Variants in ZNF250 observed in about 807,000 individuals in gnomAD.
ZNF250 encodes zinc finger protein (clone 647).
A neutral mutation model predicts 37.1 loss-of-function variants in ZNF250; 13 were observed. That is an observed-to-expected ratio of 0.35 (90% CI 0.23 to 0.56). The LOEUF is 0.56. Among genes scored for constraint, ZNF250 ranks in the 20% least tolerant of loss-of-function variants. The pLI, the probability that ZNF250 is intolerant of heterozygous loss-of-function variation, is 0.87. For missense variants in ZNF250, 474 were observed against 697.9 expected (o/e 0.68, Z 3.61); for synonymous variants, 251 against 265.6 (o/e 0.94, Z 0.54).
chr8:144,890,325 C>G lies in ZNF250; in HGVS notation c.25G>C (p.Val9Leu). MAAARLLP[V>L]PAGPQAKLTF... ...CAGCTTACCTGGGGTCCTGCCGGCA[C>G]TGGCAGGAGTCTGGCTGCTGCCATC... Residue 9 changes from valine to leucine, a missense_variant, in exon 2 of 6, where the codon GTG (valine) becomes CTG (leucine). By Grantham distance (32) the Val-to-Leu change is conservative. Around this residue, in one of 2 missense-constraint regions of ZNF250, gnomAD observed 192 missense variants for 227.5 expected, o/e 0.84. Coordinates refer to ENST00000417550, the MANE Select transcript of ZNF250 (RefSeq NM_001109689.4). The surrounding 1 kb of genome is among the most constrained non-coding windows in gnomAD (Gnocchi z 5.1). 6.6e-7 allele frequency: 1 copy of G among 1,511,824 alleles called. No individual in the cohort carries two copies. Among genetic ancestry groups the G allele is most frequent in the Non-Finnish European group, 8.9e-7 (1 of 1,128,086 alleles). 93.7% of individuals were successfully genotyped at this position (1,511,824 alleles called of 1,614,324 possible).
At chr8:144,887,045 G>C in intron 4 of ZNF250, 143 bp from the exon 5 acceptor site, 1 of 668,846 alleles carries the variant, frequency 1.5e-6, no homozygotes, top group Non-Finnish European at 2.7e-6. Flanking sequence ...TCAGAAGTTT[G>C]AGACCAGCCT....
chr8:144,900,345 A>G (rs1200238538), intron 1 of ZNF250, among the ~76,000 whole-genome samples: 1 of 152,028 alleles, frequency 6.6e-6, no homozygotes, highest in African/African-American at 2.4e-5. Context: ...GGACGAGTGG[A>G]GCGCCCCCTG....
rs1400809771 is a variant in ZNF250, at chr8:144,881,022, T to C, written c.*493A>G. ...TTTTACATGATGCTTGATGAAAATA[T>C]CTTTTTATATCACTTTATCCATACA... On this transcript the variant is annotated 3_prime_UTR_variant, in exon 6 of 6. Transcript: ENST00000417550. 1 of 158,842 alleles carries C rather than the reference T, an allele frequency of 6.3e-6. No individual in the cohort carries two copies. Among genetic ancestry groups the C allele is most frequent in the Non-Finnish European group, 1.4e-5 (1 of 71,688 alleles). 9.8% of individuals were successfully genotyped at this position (158,842 alleles called of 1,614,324 possible).
rs759763138 is a variant in ZNF250, at chr8:144,881,336, T to C, written c.*179A>G. 1.3e-5 allele frequency: 10 copies of C among 781,990 alleles called. No individual in the cohort carries two copies. The highest frequency in any genetic ancestry group is 1.9e-5 in the Non-Finnish European group (10 of 531,648). 48.4% of individuals were successfully genotyped at this position (781,990 alleles called of 1,614,324 possible). A position where few individuals can be genotyped will look rare whatever the true frequency, so the allele number is the denominator to read the frequency against. On this transcript the variant is annotated 3_prime_UTR_variant, in exon 6 of 6. Transcript: ENST00000417550. ...ATGTTGAGGAAAATAAAACAGGTAGTCTCTGAAGTTTTTCCACAGGAACAG... is the reference window on the plus strand; with the variant it reads ...ATGTTGAGGAAAATAAAACAGGTAGCCTCTGAAGTTTTTCCACAGGAACAG...
intron 1 of ZNF250, among the ~76,000 whole-genome samples, chr8:144,894,522 C>T (rs923572638): frequency 1.3e-5 from 2 of 152,014 alleles, no homozygotes; most frequent in African/African-American, 4.8e-5. Context: ...ACCCAGCTCT[C>T]ATCCTATCCC....
rs1831593502 is a variant in ZNF250, at chr8:144,882,806, G to A, written c.377C>T (p.Thr126Ile). Residue 126 changes from threonine to isoleucine, a missense_variant, in exon 6 of 6, where the codon ACA becomes ATA. Physicochemically the swap from Thr to Ile is moderately conservative, Grantham distance 89 (BLOSUM62 -1). Coordinates refer to ENST00000417550, the MANE Select transcript of ZNF250 (RefSeq NM_001109689.4). The surrounding 1 kb of genome is among the most constrained non-coding windows in gnomAD (Gnocchi z 5.5). ...ECETKGESQN[T>I]DLSPKPLISE... ...AATTAATGGCTTCGGACTCAAGTCT[G>A]TATTTTGACTCTCTCCCTTGGTTTC... is the stretch of plus-strand genomic sequence containing the variant. 6.2e-7 allele frequency: 1 copy of A among 1,611,902 alleles called. No individual in the cohort carries two copies. The highest frequency in any genetic ancestry group is 1.3e-5 in the African/African-American group (1 of 74,766).
chr8:144,892,107 A>G (rs1832382262), intron 1 of ZNF250, among the ~76,000 whole-genome samples: 1 of 152,248 alleles, frequency 6.6e-6, no homozygotes, highest in African/African-American at 2.4e-5. Context: ...AGAACAGGAC[A>G]GGGAAACACA....
Position 144,882,969 on chromosome 8 carries a change from C to T in ZNF250, c.347-133G>A. On this transcript the variant is annotated intron_variant, in intron 5 of 5. Transcript: ENST00000417550. The surrounding 1 kb of genome is among the most constrained non-coding windows in gnomAD (Gnocchi z 5.5). The stretch of plus-strand genomic sequence containing the variant: ...CACGTTGGTGTGAGCTACAGAAGAA[C>T]AGAACCACCATAACTGTGTCAAACA... 3 of 960,468 alleles carry T rather than the reference C, an allele frequency of 3.1e-6. No individual in the cohort carries two copies. Among genetic ancestry groups the T allele is most frequent in the South Asian group, 1.6e-5 (1 of 62,616 alleles). 59.5% of individuals were successfully genotyped at this position (960,468 alleles called of 1,614,324 possible). A position where few individuals can be genotyped will look rare whatever the true frequency, so the allele number is the denominator to read the frequency against.
intron 1 of ZNF250, among the ~76,000 whole-genome samples, chr8:144,900,691 A>T (rs767140670): frequency 6.6e-6 from 1 of 152,184 alleles, no homozygotes; most frequent in Non-Finnish European, 1.5e-5. Context: ...AAATGGGGAG[A>T]GGATAAGACA....
chr8:144,899,223 G>A (rs1434793417), intron 1 of ZNF250, among the ~76,000 whole-genome samples: 2 of 152,134 alleles, frequency 1.3e-5, no homozygotes, highest in African/African-American at 2.4e-5. Flanking sequence ...CCAGAGGATG[G>A]GAAGGGTGGG....
rs1831566764 is a variant in ZNF250 at position 144,882,592 on chromosome 8, A to G, written c.591T>C (p.Val197=). 6.2e-7 allele frequency: 1 copy of G among 1,613,976 alleles called. No individual in the cohort carries two copies. The highest frequency in any genetic ancestry group is 1.7e-5 in the Admixed American group (1 of 59,996). The change falls in exon 6 of 6, where the codon GTT becomes GTC. Residue 197 remains valine, a synonymous_variant. Coordinates refer to ENST00000417550, the MANE Select transcript of ZNF250 (RefSeq NM_001109689.4). The surrounding 1 kb of genome is among the most constrained non-coding windows in gnomAD (Gnocchi z 5.5). ...VPSGERPYMC[V]ECGKCFGRSS... is the part of the protein sequence containing the mutation. ...TCCGGCCAAAGCACTTCCCACACTC[A>G]ACACACATGTAGGGCCTCTCTCCAC...
intron 4 of ZNF250, among the ~76,000 whole-genome samples, chr8:144,887,646 C>T (rs1490310591): frequency 6.6e-6 from 1 of 152,170 alleles, no homozygotes; most frequent in Non-Finnish European, 1.5e-5. Flanking sequence ...AGTTTAAGCT[C>T]TCCATCAGGC....
At chr8:144,898,718 G>A (rs1832888911) in intron 1 of ZNF250, among the ~76,000 whole-genome samples, 1 of 152,150 alleles carries the variant, frequency 6.6e-6, no homozygotes, top group Admixed American at 6.5e-5. Flanking sequence ...CCAGAATGCA[G>A]AAGGGAGTCA....
Position 144,880,976 on chromosome 8 carries a change from C to A in ZNF250, c.*539G>T, listed in dbSNP as rs1322238048. 6.3e-6 allele frequency: 1 copy of A among 158,928 alleles called. No homozygotes were observed. The highest frequency in any genetic ancestry group is 1.4e-5 in the Non-Finnish European group (1 of 71,702). 9.8% of individuals were successfully genotyped at this position (158,928 alleles called of 1,614,324 possible). A position where few individuals can be genotyped will look rare whatever the true frequency, so the allele number is the denominator to read the frequency against. ...TCCACACACTTAGGATGGAAATCCA[C>A]ACACTTAGGATTTCCAACCATTTTA... On this transcript the variant is annotated 3_prime_UTR_variant, in exon 6 of 6. Coordinates refer to ENST00000417550, the MANE Select transcript of ZNF250 (RefSeq NM_001109689.4).
rs1586890684 is a variant in ZNF250 at position 144,882,935 on chromosome 8, C to T, written c.347-99G>A. On this transcript the variant is annotated intron_variant, in intron 5 of 5. Coordinates refer to ENST00000417550, the MANE Select transcript of ZNF250 (RefSeq NM_001109689.4). The surrounding 1 kb of genome is among the most constrained non-coding windows in gnomAD (Gnocchi z 5.5). ...CCTTGCTGATGAAGGTGCAAAATCC[C>T]TCAATGCACACGTTGGTGTGAGCTA... 7.5e-7 allele frequency: 1 copy of T among 1,332,684 alleles called. No homozygotes were observed. Among genetic ancestry groups the T allele is most frequent in the South Asian group, 1.4e-5 (1 of 71,752 alleles). 82.6% of individuals were successfully genotyped at this position (1,332,684 alleles called of 1,614,324 possible).
chr8:144,898,524 CAT>C (rs1278652384), intron 1 of ZNF250, among the ~76,000 whole-genome samples: 1 of 152,136 alleles, frequency 6.6e-6, no homozygotes, highest in African/African-American at 2.4e-5. Context: ...TGAGGACACT[CAT>C]GTGGGAAAAC....
chr8:144,887,280 A>AAAAAAAAGG (rs1831962540), intron 4 of ZNF250, among the ~76,000 whole-genome samples: 1 of 134,406 alleles, frequency 7.4e-6, no homozygotes, highest in African/African-American at 2.7e-5. Flanking sequence ...AAAAAAAAAA[A>AAAAAAAAGG]GAGTGGAAAA....
chr8:144,880,824 T>C lies in ZNF250; in HGVS notation c.*691A>G. On this transcript the variant is annotated 3_prime_UTR_variant, in exon 6 of 6. Transcript: ENST00000417550. ...CGGAGACTGCAGTGAGCCAAGATCA[T>C]GCCACTGCACTGCAGCTTGGGCAAC... The C allele has an allele frequency of 4.0e-6, 1 of 249,416 alleles. No individual in the cohort carries two copies. The highest frequency in any genetic ancestry group is 8.3e-6 in the Non-Finnish European group (1 of 121,054). The allele number at this position is 249,416 out of a possible 1,614,324, so 15.5% of individuals were successfully genotyped here. A position where few individuals can be genotyped will look rare whatever the true frequency, so the allele number is the denominator to read the frequency against.
chr8:144,886,590 A>G (rs576699428), intron 5 of ZNF250, among the ~76,000 whole-genome samples: 2 of 152,340 alleles, frequency 1.3e-5, no homozygotes, highest in African/African-American at 4.8e-5. Context: ...AGGAAACAAA[A>G]TGATTTCACC....
Sources: gnomAD v4.1 joint callset for allele counts (sites outside exome capture counted in the v4.1 genomes callset) on GRCh38, gnomAD v4.1.1 for gene constraint, gnomAD v4.1.1 regional missense constraint, Gnocchi (gnomAD v3.1) non-coding constraint, MANE v1.5 for transcripts, NCBI Gene and HGNC (gene_info 2026-07-23, HGNC 2026-07-21) for gene names.